Variants in TBC1D19 observed in about 807,000 individuals in gnomAD.
TBC1D19 encodes the protein TBC1 domain family member 19.
In TBC1D19, 60 loss-of-function variants were observed where a neutral mutation model predicts 89.0. That is an observed-to-expected ratio of 0.67 (90% confidence interval 0.55 to 0.84). The LOEUF (loss-of-function observed/expected upper bound fraction) is 0.84, where lower values mean the gene tolerates loss of function less well. Among genes scored for constraint, TBC1D19 ranks in the 40% least tolerant of loss-of-function variants. The pLI, the probability that TBC1D19 is intolerant of heterozygous loss-of-function variation, is 0.00. For missense variants in TBC1D19, 500 were observed against 610.8 expected (o/e 0.82, Z 1.91); for synonymous variants, 189 against 199.7 (o/e 0.95, Z 0.45).
the TBC1D19 span, among the ~76,000 whole-genome samples, chr4:26,820,472 C>T: frequency 5.3e-5 from 8 of 152,294 alleles, no homozygotes; most frequent in South Asian, 4.1e-4. Flanking sequence ...TGACTTATTT[C>T]GACCAAGCAT....
At chr4:26,629,146 G>A (rs1742630153) in intron 4 of TBC1D19, among the ~76,000 whole-genome samples, 1 of 151,966 alleles carries the variant, frequency 6.6e-6, no homozygotes, top group Non-Finnish European at 1.5e-5. Context: ...TTATGCCACT[G>A]CGTCTATTTG....
chr4:26,685,772 G>A (rs1337187181), intron 12 of TBC1D19, among the ~76,000 whole-genome samples: 1 of 152,182 alleles, frequency 6.6e-6, no homozygotes. Flanking sequence ...ATTATGCTCA[G>A]TGGATTATTT....
the TBC1D19 span, among the ~76,000 whole-genome samples, chr4:26,804,820 T>A: frequency 2.0e-5 from 3 of 152,190 alleles, no homozygotes; most frequent in Admixed American, 1.3e-4. Context: ...AAGATTTATT[T>A]TTATTTAGAA....
At chr4:26,794,982 A>T in the TBC1D19 span, among the ~76,000 whole-genome samples, 1 of 152,102 alleles carries the variant, frequency 6.6e-6, no homozygotes, top group African/African-American at 2.4e-5. Flanking sequence ...TGCCTTTGCC[A>T]CTTTAGGCTG....
chr4:26,657,317 T>C (rs1460917223), intron 7 of TBC1D19, among the ~76,000 whole-genome samples: 2 of 151,992 alleles, frequency 1.3e-5, no homozygotes, highest in Non-Finnish European at 2.9e-5. Flanking sequence ...CTCTCACTTA[T>C]GAGTGAGAAC....
intron 3 of TBC1D19, among the ~76,000 whole-genome samples, chr4:26,617,389 T>C (rs1223476457): frequency 1.3e-5 from 2 of 152,246 alleles, no homozygotes; most frequent in Non-Finnish European, 2.9e-5. Context: ...GAAGATCATA[T>C]AGCTAGCAAA....
intron 7 of TBC1D19, among the ~76,000 whole-genome samples, chr4:26,651,744 G>A (rs963143450): frequency 2.6e-5 from 4 of 151,990 alleles, no homozygotes; most frequent in Admixed American, 6.6e-5. Flanking sequence ...AACTTTCAAC[G>A]CTATGTTGAA....
At chr4:26,720,302 T>G (rs1716894674) in intron 15 of TBC1D19, among the ~76,000 whole-genome samples, 177 bp downstream of exon 15, 1 of 152,158 alleles carries the variant, frequency 6.6e-6, no homozygotes, top group Non-Finnish European at 1.5e-5. Flanking sequence ...TGTGCTAAAT[T>G]ATGCATACTC....
At chr4:26,768,737 T>C in the TBC1D19 span, among the ~76,000 whole-genome samples, 1 of 151,866 alleles carries the variant, frequency 6.6e-6, no homozygotes, top group African/African-American at 2.4e-5. Context: ...GATTAGTGAA[T>C]CATGAAAATA....
At position 26,613,210 on chromosome 4, in the gene TBC1D19, A is replaced by C; in HGVS notation, c.141A>C (p.Lys47Asn). The C allele has an allele frequency of 6.3e-7, 1 of 1,580,100 alleles. No homozygotes were observed. The highest frequency in any genetic ancestry group is 8.6e-7 in the Non-Finnish European group (1 of 1,160,122). Residue 47 changes from lysine to asparagine, a missense_variant, in exon 2 of 21, where the codon AAA becomes AAC. Lys to Asn is a moderately conservative substitution (Grantham distance 94). Around this residue, in one of 2 missense-constraint regions of TBC1D19, gnomAD observed 280 missense variants for 291.7 expected, o/e 0.96. Coordinates refer to ENST00000264866, the MANE Select transcript of TBC1D19 (RefSeq NM_018317.4). ...QRPEIKLESL[K>N]EDIKEFFKIS... Reference sequence around the variant, plus strand: ...CTGAGATTAAACTTGAATCACTGAAAGAAGATATTAAGGAATTCTTTAAAA... The same window carrying C: ...CTGAGATTAAACTTGAATCACTGAACGAAGATATTAAGGAATTCTTTAAAA...
At chr4:26,786,279 T>G in the TBC1D19 span, among the ~76,000 whole-genome samples, 1 of 152,110 alleles carries the variant, frequency 6.6e-6, no homozygotes, top group Non-Finnish European at 1.5e-5. Context: ...GTCGCCAAAG[T>G]GCTGGGCTAG....
At chr4:26,629,944 T>C (rs1201643515) in intron 4 of TBC1D19, among the ~76,000 whole-genome samples, 2 of 151,824 alleles carry the variant, frequency 1.3e-5, no homozygotes, top group Admixed American at 6.6e-5. Context: ...ATTATTTTTA[T>C]TATCAGAGAA....
chr4:26,711,150 G>A (rs370801157), intron 13 of TBC1D19, among the ~76,000 whole-genome samples: 3 of 152,012 alleles, frequency 2.0e-5, no homozygotes, highest in Non-Finnish European at 4.4e-5. Flanking sequence ...GGGTTTTTAC[G>A]GTTTTAGGTC....
the TBC1D19 span, among the ~76,000 whole-genome samples, chr4:26,815,208 C>A: frequency 6.6e-6 from 1 of 152,186 alleles, no homozygotes; most frequent in African/African-American, 2.4e-5. Flanking sequence ...TTAGAAAAAT[C>A]CAGATCAACT....
At chr4:26,646,341 A>G (rs1351995338) in intron 7 of TBC1D19, among the ~76,000 whole-genome samples, 1 of 152,192 alleles carries the variant, frequency 6.6e-6, no homozygotes, top group Admixed American at 6.5e-5. Context: ...ATGTGGAGAA[A>G]TTGGAACGCT....
chr4:26,808,291 C>T, the TBC1D19 span, among the ~76,000 whole-genome samples: 5 of 152,152 alleles, frequency 3.3e-5, no homozygotes, highest in Admixed American at 6.5e-5. Context: ...TTCCCTGGCA[C>T]GTAGTAGGCA....
chr4:26,786,420 G>C, the TBC1D19 span, among the ~76,000 whole-genome samples: 9 of 152,254 alleles, frequency 5.9e-5, no homozygotes, highest in East Asian at 1.7e-3. Context: ...GGATCACGAG[G>C]TCAGGAGATC....
At chr4:26,700,125 C>T (rs1297118423) in intron 13 of TBC1D19, among the ~76,000 whole-genome samples, 1 of 151,842 alleles carries the variant, frequency 6.6e-6, no homozygotes, top group Non-Finnish European at 1.5e-5. Context: ...GGACAACATG[C>T]TCACCAACAA....
At position 26,656,053 on chromosome 4, in the gene TBC1D19, C is replaced by T. The variant is rs376161238; in HGVS notation, c.481-3544C>T. Reference sequence around the variant, plus strand: ...GATTCCTAATAGTTTTTTTTTCTCTCTAGAGTTTTACTTAAAAATATTTTT... The same window carrying T: ...GATTCCTAATAGTTTTTTTTTCTCTTTAGAGTTTTACTTAAAAATATTTTT... On this transcript the variant is annotated intron_variant, in intron 7 of 20. Transcript: ENST00000264866. Among the ~76,000 whole-genome samples the T allele has an allele frequency of 2.0e-5, 3 of 151,868 alleles. No individual in the cohort carries two copies. The South Asian group carries it at 6.2e-4, about 31-fold the overall frequency.
Sources: allele counts gnomAD v4.1 joint callset (sites outside exome capture counted in the v4.1 genomes callset), GRCh38; gene constraint gnomAD v4.1.1; regional missense constraint gnomAD v4.1.1; transcripts MANE v1.5; gene names NCBI Gene and HGNC (gene_info 2026-07-23, HGNC 2026-07-21).